The following NEK1 variants were observed in gnomAD, a reference collection of about 807,000 sequenced individuals.
The protein encoded by NEK1 is NIMA related kinase 1, also known as serine/threonine-protein kinase Nek1.
Under a neutral mutation model 182.1 loss-of-function variants are expected in NEK1, and 137 were observed. The ratio of observed to expected loss-of-function variants is 0.75; its 90% CI spans 0.65 to 0.87. The LOEUF is 0.87. Among genes scored for constraint, NEK1 ranks in the 40% least tolerant of loss-of-function variants. The pLI is 0.00. For synonymous variants in NEK1, 513 were observed against 492.2 expected, an observed-to-expected ratio of 1.04 and a Z score of -0.56; for missense variants, 1,391 against 1,494.4, an observed-to-expected ratio of 0.93 and a Z score of 1.14.
intron 10 of NEK1, among the ~76,000 whole-genome samples, chr4:169,582,726 T>G (rs4342158): frequency 0.29 from 43,966 of 152,032 alleles, 8,988 homozygotes; most frequent in African/African-American, 0.59. Context: ...ACGTTATGTT[T>G]TCCAATAGAG....
intron 27 of NEK1, among the ~76,000 whole-genome samples, chr4:169,454,580 G>T (rs1469790951): frequency 6.6e-6 from 1 of 152,180 alleles, no homozygotes; most frequent in African/African-American, 2.4e-5. Context: ...ATGAAAAAAT[G>T]CTCATCATCA....
At chr4:169,491,517 G>C (rs959739071) in intron 23 of NEK1, among the ~76,000 whole-genome samples, 1 of 152,094 alleles carries the variant, frequency 6.6e-6, no homozygotes, top group African/African-American at 2.4e-5. Context: ...TAGAAAAGCT[G>C]TTTTTCAGAA....
At chr4:169,492,407 G>A (rs997416974) in intron 23 of NEK1, among the ~76,000 whole-genome samples, 3 of 152,202 alleles carry the variant, frequency 2.0e-5, no homozygotes, top group African/African-American at 4.8e-5. Context: ...GATAGCGACC[G>A]CTGAGGAACT....
At chr4:169,561,653 A>T in intron 15 of NEK1, 34 bp downstream of exon 15, 1 of 1,572,444 alleles carries the variant, frequency 6.4e-7, no homozygotes, top group East Asian at 2.3e-5. Context: ...GTATTCCTTA[A>T]GAAAAAAGTA....
chr4:169,493,316 C>CA lies in NEK1; in HGVS notation c.2007+13720dup, dbSNP rs1750476373. ...AGTCCCATCCAAATAAACACAAATC[C>CA]AAAAAAAGAATTGTCAGCTCACTCA... is the stretch of plus-strand genomic sequence containing the variant. On this transcript the variant is annotated intron_variant, in intron 23 of 35. Transcript: ENST00000507142. Among the ~76,000 whole-genome samples the CA allele has an allele frequency of 4.6e-5, 7 of 152,102 alleles. No homozygotes were observed. In the South Asian group the frequency reaches 1.5e-3, roughly 32 times the overall value.
At position 169,555,811 on chromosome 4, in the gene NEK1, C is replaced by T; in HGVS notation, c.1471G>A (p.Ala491Thr). The T allele has an allele frequency of 6.2e-7, 1 of 1,613,888 alleles. No homozygotes were observed. Among genetic ancestry groups the T allele is most frequent in the Non-Finnish European group, 8.5e-7 (1 of 1,179,826 alleles). ...TCAGGAAAATGGTGATGACCTGCAG[C>T]CCCATAAGGAAATCCTGGACGAACT... The part of the protein sequence containing the change: ...PGVRPGFPYG[A>T]AGHHHFPDAD... The change falls in exon 18 of 36, where the codon GCT becomes ACT. Residue 491 changes from alanine to threonine, a missense_variant. Transcript: ENST00000507142.
At position 169,405,685 on chromosome 4, in the gene NEK1, G is replaced by A. The variant is rs188798674; in HGVS notation, c.3374+911C>T. 4.1e-3 allele frequency among the ~76,000 whole-genome samples: 618 copies of A among 152,094 alleles called. 4 individuals carry two copies. The highest frequency in any genetic ancestry group is 7.6e-3 in the Admixed American group (116 of 15,284). On this transcript the variant is annotated intron_variant, in intron 32 of 35. Coordinates refer to ENST00000507142, the MANE Select transcript of NEK1 (RefSeq NM_001199397.3). ...GTCTCACTCTGTTGCTCAGGCTGGA[G>A]TGCAGTGGCATGATCATGGCTCACT...
chr4:169,501,328 G>C (rs988068976), intron 23 of NEK1, among the ~76,000 whole-genome samples: 14 of 152,114 alleles, frequency 9.2e-5, no homozygotes, highest in African/African-American at 3.4e-4. Context: ...ACACCCCACT[G>C]ATAGCATTAA....
intron 31 of NEK1, among the ~76,000 whole-genome samples, chr4:169,418,471 A>G (rs1197424878): frequency 6.6e-6 from 1 of 152,210 alleles, no homozygotes; most frequent in Non-Finnish European, 1.5e-5. Context: ...AGATACAGAG[A>G]TGATGGAACT....
chr4:169,440,762 C>A (rs528284467), intron 27 of NEK1, among the ~76,000 whole-genome samples: 1 of 152,330 alleles, frequency 6.6e-6, no homozygotes, highest in East Asian at 1.9e-4. Flanking sequence ...TGGACTCCTG[C>A]AAGCCTAGCC....
intron 19 of NEK1, among the ~76,000 whole-genome samples, chr4:169,523,136 CT>C (rs948801344): frequency 4.6e-5 from 7 of 152,184 alleles, no homozygotes; most frequent in Non-Finnish European, 7.3e-5. Context: ...GCAGAAACTA[CT>C]TTTTGATAGC....
rs1163621325 is a variant in NEK1, at chr4:169,402,798, A to AT, written c.3375-939dup. Among the ~76,000 whole-genome samples, 11 of 152,306 alleles carry AT rather than the reference A, an allele frequency of 7.2e-5. No homozygotes were observed. The South Asian group carries it at 8.3e-4, about 11-fold the overall frequency. ...AATCTAGTCTTTGACCACTTCTGTAATATCTGAGAAACATACTCAGAAAAA... is the reference window on the plus strand; with the variant it reads ...AATCTAGTCTTTGACCACTTCTGTAATTATCTGAGAAACATACTCAGAAAAA... On this transcript the variant is annotated intron_variant, in intron 32 of 35. Coordinates refer to ENST00000507142, the MANE Select transcript of NEK1 (RefSeq NM_001199397.3).
chr4:169,599,540 G>A (rs1345223169), intron 4 of NEK1, among the ~76,000 whole-genome samples: 2 of 152,214 alleles, frequency 1.3e-5, no homozygotes, highest in East Asian at 3.9e-4. Context: ...ATAAAATCAT[G>A]TTTTTCCACC....
intron 5 of NEK1, among the ~76,000 whole-genome samples, chr4:169,591,966 T>G (rs532187493): frequency 3.3e-5 from 5 of 151,648 alleles, no homozygotes; most frequent in African/African-American, 9.7e-5. Context: ...GACAAAAGAC[T>G]GGAGATGCAA....
chr4:169,567,095 A>C (rs1235657899), intron 12 of NEK1, among the ~76,000 whole-genome samples: 1 of 148,356 alleles, frequency 6.7e-6, no homozygotes, highest in African/African-American at 2.7e-5. Context: ...CTCAAAAAAA[A>C]AGAAAAAAAA....
intron 30 of NEK1, among the ~76,000 whole-genome samples, chr4:169,425,466 C>T (rs1023978127): frequency 1.2e-4 from 18 of 151,446 alleles, no homozygotes; most frequent in Middle Eastern, 3.2e-3. Flanking sequence ...GACATAAATC[C>T]AAAGAAAGGT....
chr4:169,528,061 A>G (rs1384701607), intron 19 of NEK1, among the ~76,000 whole-genome samples: 1 of 152,158 alleles, frequency 6.6e-6, no homozygotes, highest in Non-Finnish European at 1.5e-5. Flanking sequence ...CTTCAAACCA[A>G]AAAATTACCA....
At chr4:169,588,760 A>G (rs1030597974) in intron 7 of NEK1, 25 bp from the exon 8 acceptor site, 8 of 1,383,386 alleles carry the variant, frequency 5.8e-6, no homozygotes, top group Non-Finnish European at 8.1e-6. Context: ...AAATTATTGG[A>G]GAAGTTAAAG....
intron 27 of NEK1, among the ~76,000 whole-genome samples, chr4:169,461,386 G>A (rs947891399): frequency 6.6e-5 from 10 of 151,904 alleles, no homozygotes; most frequent in Admixed American, 2.6e-4. Flanking sequence ...TAATAAAACC[G>A]TATGGTACTG....
Sources: gnomAD v4.1 joint callset for allele counts (sites outside exome capture counted in the v4.1 genomes callset) on GRCh38, gnomAD v4.1.1 for gene constraint, MANE v1.5 for transcripts, NCBI Gene and HGNC (gene_info 2026-07-23, HGNC 2026-07-21) for gene names.